GNAI1: variants seen among roughly 807,000 people sequenced by gnomAD.
GNAI1 encodes the protein G protein subunit alpha i1.
In GNAI1, 11 loss-of-function variants were observed where a neutral mutation model predicts 38.9. The ratio of observed to expected loss-of-function variants is 0.28; its 90% CI spans 0.18 to 0.47. The LOEUF is 0.47. Ranked by LOEUF, GNAI1 falls within the 20% of genes least tolerant of loss-of-function variation. The probability of loss-of-function intolerance (pLI) is 0.99; values close to 1 mark genes in which losing one functional copy is unlikely to be tolerated. For missense variants in GNAI1, 317 were observed against 436.9 expected (o/e 0.73, Z 2.45); for synonymous variants, 166 against 145.1 (o/e 1.14, Z -1.04).
intron 1 of GNAI1, among the ~76,000 whole-genome samples, chr7:80,168,988 T>C (rs892733577): frequency 1.3e-5 from 2 of 152,210 alleles, no homozygotes; most frequent in Non-Finnish European, 2.9e-5. Flanking sequence ...AAACTTACGC[T>C]TCATTTTGTT....
intron 7 of GNAI1, 64 bp from the exon 8 acceptor site, chr7:80,217,239 T>TAGGTATGAAACTGAAG: frequency 1.9e-6 from 2 of 1,053,102 alleles, no homozygotes; most frequent in African/African-American, 1.6e-5. Flanking sequence ...TGAAACTGAA[T>TAGGTATGAAACTGAAG]TCAGTATTTT....
chr7:80,207,956 T>C (rs1160427294), intron 5 of GNAI1, among the ~76,000 whole-genome samples: 1 of 152,148 alleles, frequency 6.6e-6, no homozygotes. Context: ...ATCCTAAAAT[T>C]ATCATAATAT....
chr7:80,193,870 C>T (rs555608660), intron 3 of GNAI1, among the ~76,000 whole-genome samples: 1 of 152,300 alleles, frequency 6.6e-6, no homozygotes, highest in Non-Finnish European at 1.5e-5. Context: ...ACCGGTTCTT[C>T]ATCACAGATA....
rs1389849287 is a variant in GNAI1 at position 80,219,108 on chromosome 7, T to G, written c.*1615T>G. Reference sequence around the variant, plus strand: ...TGTTTCATTTGGAGGATTTTCTTCTTTGTAATGTAAAGAAATTCAAAGTTA... The same window carrying G: ...TGTTTCATTTGGAGGATTTTCTTCTGTGTAATGTAAAGAAATTCAAAGTTA... On this transcript the variant is annotated 3_prime_UTR_variant, in exon 8 of 8. Transcript: ENST00000649796. 6.6e-6 allele frequency: 1 copy of G among 152,286 alleles called. No homozygotes were observed. The highest frequency in any genetic ancestry group is 1.5e-5 in the Non-Finnish European group (1 of 67,966). The allele number at this position is 152,286 out of a possible 1,614,324, so 9.4% of individuals were successfully genotyped here.
chr7:80,135,908 G>C, intron 1 of GNAI1: 2 of 985,440 alleles, frequency 2.0e-6, no homozygotes, highest in Non-Finnish European at 2.4e-6. Context: ...TTTTCTTGCT[G>C]TGGGGGCATG....
At position 80,199,393 on chromosome 7, in the gene GNAI1, A is replaced by G. The variant is rs772999777; in HGVS notation, c.461+11A>G. 8.3e-6 allele frequency: 13 copies of G among 1,574,182 alleles called. No homozygotes were observed. The highest frequency in any genetic ancestry group is 1.8e-5 in the Admixed American group (1 of 56,698). On this transcript the variant is annotated intron_variant, in intron 4 of 7. Coordinates refer to ENST00000649796, the MANE Select transcript of GNAI1 (RefSeq NM_002069.6). ...TGATTCTGCAGCATAGTAAGTAATC[A>G]TAACTTCAGAACTAAACTATCATGA...
chr7:80,175,844 A>C (rs1788174603), intron 1 of GNAI1, among the ~76,000 whole-genome samples: 1 of 151,458 alleles, frequency 6.6e-6, no homozygotes, highest in African/African-American at 2.4e-5. Context: ...CTCTCCTCAA[A>C]CCTCCCTATT....
intron 1 of GNAI1, among the ~76,000 whole-genome samples, chr7:80,153,536 C>T (rs1000053883): frequency 2.0e-5 from 3 of 151,928 alleles, no homozygotes; most frequent in Non-Finnish European, 4.4e-5. Context: ...CACAGGTGGC[C>T]GAGGTAGGAT....
At position 80,135,627 on chromosome 7, in the gene GNAI1, T is replaced by A. The variant is rs1296253400; in HGVS notation, c.118+349T>A. ...CAGCCTTGTAAAGATGAAGGGGCAT[T>A]CGCGGCTAGAAAATGAAAACACCCC... On this transcript the variant is annotated intron_variant, in intron 1 of 7. Transcript: ENST00000649796. 3 of 206,202 alleles carry A rather than the reference T, an allele frequency of 1.5e-5. No homozygotes were observed. The East Asian group carries it at 3.5e-4, about 24-fold the overall frequency. 12.8% of individuals were successfully genotyped at this position (206,202 alleles called of 1,614,324 possible). A position where few individuals can be genotyped will look rare whatever the true frequency, so the allele number is the denominator to read the frequency against.
At chr7:80,206,888 A>G (rs1310954765) in intron 5 of GNAI1, among the ~76,000 whole-genome samples, 1 of 152,104 alleles carries the variant, frequency 6.6e-6, no homozygotes, top group African/African-American at 2.4e-5. Flanking sequence ...TATAAAAGGT[A>G]TGTGAATGTG....
intron 5 of GNAI1, 135 bp downstream of exon 5, chr7:80,203,967 T>G (rs183142377): frequency 2.0e-6 from 1 of 504,730 alleles, no homozygotes; most frequent in Admixed American, 4.2e-5. Flanking sequence ...TTCAGATGAT[T>G]GGACAAAAGA....
chr7:80,203,045 A>C (rs893281805), intron 4 of GNAI1, among the ~76,000 whole-genome samples: 2 of 152,210 alleles, frequency 1.3e-5, no homozygotes, highest in Non-Finnish European at 2.9e-5. Context: ...AATTTGACAC[A>C]AGATAACTTA....
Position 80,225,174 on chromosome 7 carries a change from G to A in GNAI1, c.*7681G>A, listed in dbSNP as rs577207274. Among the ~76,000 whole-genome samples the A allele has an allele frequency of 2.6e-5, 4 of 152,230 alleles. No homozygotes were observed. Among genetic ancestry groups the A allele is most frequent in the African/African-American group, 9.6e-5 (4 of 41,548 alleles). ...GACTATTCCAGTTTTAAATGCTATCGTTTGGTTTGGTGTAATATAGCCTTT... is the reference window on the plus strand; with the variant it reads ...GACTATTCCAGTTTTAAATGCTATCATTTGGTTTGGTGTAATATAGCCTTT... On this transcript the variant is annotated 3_prime_UTR_variant, in exon 8 of 8. Transcript: ENST00000649796.
chr7:80,140,233 C>T (rs1787502770), intron 1 of GNAI1, among the ~76,000 whole-genome samples: 2 of 151,842 alleles, frequency 1.3e-5, no homozygotes, highest in South Asian at 2.1e-4. Context: ...ATCCGCCTGC[C>T]GCGGCCTCCC....
intron 4 of GNAI1, among the ~76,000 whole-genome samples, chr7:80,200,682 G>C (rs540679803): frequency 1.1e-4 from 16 of 152,252 alleles, no homozygotes; most frequent in African/African-American, 3.9e-4. Flanking sequence ...GTGTGATTTA[G>C]TGTGTTTAAG....
chr7:80,214,492 T>C (rs59871716), intron 7 of GNAI1, among the ~76,000 whole-genome samples: 35,174 of 152,112 alleles, frequency 0.23, 4,260 homozygotes, highest in African/African-American at 0.27. Context: ...GCTCTTTCCT[T>C]GCCAAGTAGA....
intron 5 of GNAI1, among the ~76,000 whole-genome samples, chr7:80,210,450 A>G (rs1202448769): frequency 6.6e-6 from 1 of 151,978 alleles, no homozygotes; most frequent in Non-Finnish European, 1.5e-5. Context: ...ACATTTTCTT[A>G]CCTGAAATGG....
chr7:80,164,220 T>C (rs1296556803), intron 1 of GNAI1, among the ~76,000 whole-genome samples: 2 of 151,612 alleles, frequency 1.3e-5, no homozygotes, highest in Non-Finnish European at 2.9e-5. Context: ...AATTTTTGTA[T>C]TTTTAGTAGA....
chr7:80,135,444 C>A (rs1204658732), intron 1 of GNAI1, 166 bp downstream of exon 1: 2 of 432,096 alleles, frequency 4.6e-6, no homozygotes, highest in Non-Finnish European at 8.0e-6. Context: ...TCCCCCTCTC[C>A]CGGTGTCTGG....
Sources: gnomAD v4.1 joint callset for allele counts (sites outside exome capture counted in the v4.1 genomes callset) on GRCh38, gnomAD v4.1.1 for gene constraint, MANE v1.5 for transcripts, NCBI Gene and HGNC (gene_info 2026-07-23, HGNC 2026-07-21) for gene names.